The following ABCB11 variants were observed in gnomAD, a reference collection of about 807,000 sequenced individuals.
The protein encoded by ABCB11 is bile salt export pump.
In ABCB11, 95 loss-of-function variants were observed where a neutral mutation model predicts 148.0. The observed-to-expected ratio is 0.64, with a 90% CI of 0.54 to 0.76. The LOEUF (loss-of-function observed/expected upper bound fraction) is 0.76, where lower values mean the gene tolerates loss of function less well. Ranked by LOEUF, ABCB11 falls within the 30% of genes least tolerant of loss-of-function variation. ABCB11 has a pLI of 0.00. For missense variants in ABCB11, 1,523 were observed against 1,617.8 expected (o/e 0.94, Z 1.01); for synonymous variants, 591 against 555.4 (o/e 1.06, Z -0.90).
intron 17 of ABCB11, among the ~76,000 whole-genome samples, chr2:168,965,709 C>T (rs765074596): frequency 2.0e-5 from 3 of 151,736 alleles, no homozygotes. Context: ...GATGAGGAGA[C>T]CTGCATCAAC....
intron 25 of ABCB11, among the ~76,000 whole-genome samples, chr2:168,929,389 A>G (rs1266549479): frequency 6.6e-6 from 1 of 152,182 alleles, no homozygotes; most frequent in Non-Finnish European, 1.5e-5. Flanking sequence ...GGTTTTCATG[A>G]AGACAAAGAA....
At chr2:168,950,193 C>T (rs548560999) in intron 19 of ABCB11, among the ~76,000 whole-genome samples, 6 of 150,298 alleles carry the variant, frequency 4.0e-5, no homozygotes, top group East Asian at 3.9e-4. Flanking sequence ...ATCCTATAAA[C>T]GCCTATAAAT....
rs775401560 is a variant in ABCB11, at chr2:168,996,644, T to A, written c.468A>T (p.Gly156=). 1.3e-6 allele frequency: 2 copies of A among 1,529,024 alleles called. No individual in the cohort carries two copies. Among genetic ancestry groups the A allele is most frequent in the Admixed American group, 1.9e-5 (1 of 52,790 alleles). The allele number at this position is 1,529,024 out of a possible 1,614,324, so 94.7% of individuals were successfully genotyped here. A position where few individuals can be genotyped will look rare whatever the true frequency, so the allele number is the denominator to read the frequency against. The change falls in exon 6 of 28, where the codon GGA becomes GGT. Residue 156 remains glycine, a synonymous_variant. Coordinates refer to ENST00000650372, the MANE Select transcript of ABCB11 (RefSeq NM_003742.4). The part of the protein sequence containing the change: ...AGIAVAVLIT[G]YIQICFWVIA... ...CGGAGGAGCTACTAACTTGAATATA[T>A]CCTGTGATAAGTACTGCGACAGCAA...
intron 23 of ABCB11, among the ~76,000 whole-genome samples, chr2:168,933,246 T>A (rs534657393): frequency 6.6e-6 from 1 of 152,264 alleles, no homozygotes; most frequent in East Asian, 1.9e-4. Flanking sequence ...ATTGAATCTA[T>A]AATAGGTATA....
At chr2:168,942,127 T>C (rs566002137) in intron 21 of ABCB11, among the ~76,000 whole-genome samples, 2 of 151,964 alleles carry the variant, frequency 1.3e-5, no homozygotes, top group South Asian at 4.2e-4. Flanking sequence ...AACTAACAGC[T>C]TTCATCTCAA....
chr2:169,003,323 CGTGT>C (rs139250976), intron 5 of ABCB11, among the ~76,000 whole-genome samples: 5,447 of 141,604 alleles, frequency 0.038, 101 homozygotes, highest in Non-Finnish European at 0.044. Context: ...TTCCATGGTG[CGTGT>C]GTGTGTGTGT....
At chr2:168,980,234 CTG>C (rs1694088665) in intron 10 of ABCB11, among the ~76,000 whole-genome samples, 3 of 152,084 alleles carry the variant, frequency 2.0e-5, no homozygotes, top group South Asian at 4.1e-4. Context: ...CAAAGTAGAA[CTG>C]TCTTGAAATG....
intron 18 of ABCB11, among the ~76,000 whole-genome samples, 159 bp from the exon 19 acceptor site, chr2:168,958,287 G>A (rs992567384): frequency 1.3e-5 from 2 of 151,628 alleles, no homozygotes; most frequent in African/African-American, 4.8e-5. Flanking sequence ...TTGAGGAATC[G>A]TTTTGAACAA....
At chr2:168,970,384 A>G in intron 14 of ABCB11, 169 bp from the exon 15 acceptor site, 1 of 1,497,126 alleles carries the variant, frequency 6.7e-7, no homozygotes, top group Non-Finnish European at 9.0e-7. Flanking sequence ...TTGTCTAATC[A>G]ATATTTATGT....
intron 17 of ABCB11, among the ~76,000 whole-genome samples, chr2:168,966,756 C>T (rs1200452444): frequency 6.6e-6 from 1 of 151,834 alleles, no homozygotes. Context: ...TTAACGACAA[C>T]AAGAAAAATC....
At chr2:168,947,058 C>T (rs16856261) in intron 19 of ABCB11, among the ~76,000 whole-genome samples, 22,241 of 151,720 alleles carry the variant, frequency 0.15, 1,944 homozygotes, top group East Asian at 0.32. Flanking sequence ...TGTTCCTTTA[C>T]TAGTTGTAGT....
At chr2:169,029,574 T>C (rs1032986701) in intron 1 of ABCB11, among the ~76,000 whole-genome samples, 2 of 152,050 alleles carry the variant, frequency 1.3e-5, no homozygotes, top group Admixed American at 6.6e-5. Flanking sequence ...GGGAAATAAA[T>C]ACACGGTGAT....
At chr2:169,026,985 C>T (rs1316637094) in intron 1 of ABCB11, among the ~76,000 whole-genome samples, 1 of 152,094 alleles carries the variant, frequency 6.6e-6, no homozygotes. Flanking sequence ...TAGCACCTAA[C>T]CTAATAACTT....
In ABCB11 at chr2:168,921,852, TTTTTC is replaced by T. The variant is rs1691083305; in HGVS notation, c.*1765_*1769del. Among the ~76,000 whole-genome samples, 1 of 34,570 alleles carries T rather than the reference TTTTTC, an allele frequency of 2.9e-5. No individual in the cohort carries two copies. The highest frequency in any genetic ancestry group is 6.6e-5 in the Non-Finnish European group (1 of 15,146). The allele number at this position is 34,570 out of a possible 152,430, so 22.7% of individuals were successfully genotyped here. A position where few individuals can be genotyped will look rare whatever the true frequency, so the allele number is the denominator to read the frequency against. On this transcript the variant is annotated 3_prime_UTR_variant, in exon 28 of 28. Transcript: ENST00000650372. ...AGGACGGAGTCCTTGACCTCTTTTC[TTTTTC>T]TTTTTCTTTTTTTTTTTTTTTCGCT...
At chr2:169,006,970 A>T (rs1355232450) in intron 5 of ABCB11, among the ~76,000 whole-genome samples, 6 of 152,182 alleles carry the variant, frequency 3.9e-5, no homozygotes, top group Non-Finnish European at 7.3e-5. Flanking sequence ...CCTTAAACTG[A>T]TCTACAGAGT....
chr2:169,000,477 C>A (rs1157404364), intron 5 of ABCB11, among the ~76,000 whole-genome samples: 1 of 152,046 alleles, frequency 6.6e-6, no homozygotes, highest in Non-Finnish European at 1.5e-5. Context: ...TGTGTAATTT[C>A]ATTTTTTTGC....
At chr2:168,977,109 T>C (rs1693941695) in intron 11 of ABCB11, among the ~76,000 whole-genome samples, 1 of 148,616 alleles carries the variant, frequency 6.7e-6, no homozygotes, top group South Asian at 2.1e-4. Context: ...ATAATACATA[T>C]ATAATACATA....
At chr2:168,937,528 A>G (rs1445333409) in intron 21 of ABCB11, among the ~76,000 whole-genome samples, 11 of 152,196 alleles carry the variant, frequency 7.2e-5, no homozygotes, top group Non-Finnish European at 1.2e-4. Flanking sequence ...TCATTTATTG[A>G]CTAATCTCAT....
chr2:168,944,641 T>C lies in ABCB11; in HGVS notation c.2574A>G (p.Thr858=), dbSNP rs754217921. ...DDLRNSPGAL[T]TRLATDASQV... Reference sequence around the variant, plus strand: ...GGGAAGCATCTGTAGCAAGTCTTGTTGTCAATGCTCCAGGGCTATTTCTGA... The same window carrying C: ...GGGAAGCATCTGTAGCAAGTCTTGTCGTCAATGCTCCAGGGCTATTTCTGA... The change falls in exon 21 of 28, where the codon ACA becomes ACG. Residue 858 remains threonine (T), a synonymous_variant. Transcript: ENST00000650372. The C allele has an allele frequency of 1.9e-6, 3 of 1,611,602 alleles. No individual in the cohort carries two copies. Among genetic ancestry groups the C allele is most frequent in the Non-Finnish European group, 2.5e-6 (3 of 1,178,664 alleles).
Sources: gnomAD v4.1 joint callset for allele counts (sites outside exome capture counted in the v4.1 genomes callset) on GRCh38, gnomAD v4.1.1 for gene constraint, MANE v1.5 for transcripts, NCBI Gene and HGNC (gene_info 2026-07-23, HGNC 2026-07-21) for gene names.